NOTCH3: variants seen among roughly 807,000 people sequenced by gnomAD.
NOTCH3 encodes the protein neurogenic locus notch homolog protein 3.
NOTCH3 carries 86 observed loss-of-function variants against 213.3 expected under a neutral mutation model. The ratio of observed to expected loss-of-function variants is 0.40; its 90% CI spans 0.34 to 0.48. NOTCH3 has a LOEUF of 0.48. Ranked by LOEUF, NOTCH3 falls within the 20% of genes least tolerant of loss-of-function variation. The pLI, the probability that NOTCH3 is intolerant of heterozygous loss-of-function variation, is 0.57. For missense variants in NOTCH3, 2,783 were observed against 3,272.6 expected, an observed-to-expected ratio of 0.85 and a Z score of 3.65; for synonymous variants, 1,354 against 1,355.9, an observed-to-expected ratio of 1.00 and a Z score of 0.03.
rs1275290522 is a variant in NOTCH3 at position 15,192,273 on chromosome 19, G to C, written c.366C>G (p.Pro122=). 8 of 1,602,132 alleles carry C rather than the reference G, an allele frequency of 5.0e-6. No individual in the cohort carries two copies. The highest frequency in any genetic ancestry group is 6.0e-6 in the Non-Finnish European group (7 of 1,174,930). ...CGTGGGCACAAGGGCTGCTGAGGCAGGGATCTGGCAGGGAGCAGTCAGGGC... is the reference window on the plus strand; with the variant it reads ...CGTGGGCACAAGGGCTGCTGAGGCACGGATCTGGCAGGGAGCAGTCAGGGC... ...FRGPDCSLPD[P]CLSSPCAHGA... Residue 122 remains proline (P), a synonymous_variant, in exon 4 of 33, where the codon CCC becomes CCG. Transcript: ENST00000263388.
chr19:15,181,518 G>A, intron 17 of NOTCH3, 58 bp downstream of exon 17: 6 of 1,436,172 alleles, frequency 4.2e-6, no homozygotes, highest in Non-Finnish European at 5.7e-6. Context: ...CTTCGTCCCA[G>A]GTCCCAGGCC....
chr19:15,170,077 G>C lies in NOTCH3; in HGVS notation c.5199+9C>G. ...GAGGAGGGGGCAAAGGTCAGAGGGGGGGCAGTACCTTTAGCCGCTTGGCCT... is the reference window on the plus strand; with the variant it reads ...GAGGAGGGGGCAAAGGTCAGAGGGGCGGCAGTACCTTTAGCCGCTTGGCCT... On this transcript the variant is annotated intron_variant, in intron 28 of 32. Transcript: ENST00000263388. 1 of 1,544,688 alleles carries C rather than the reference G, an allele frequency of 6.5e-7. No homozygotes were observed. Among genetic ancestry groups the C allele is most frequent in the South Asian group, 1.2e-5 (1 of 85,808 alleles).
rs886054250 is a variant in NOTCH3 at position 15,160,280 on chromosome 19, A to C, written c.*382T>G. On this transcript the variant is annotated 3_prime_UTR_variant, in exon 33 of 33. Coordinates refer to ENST00000263388, the MANE Select transcript of NOTCH3 (RefSeq NM_000435.3). ...AAAAATAATAATAATAAGTTTGTTT[A>C]AATGAATTTGTTTCTATACAAAATG... The C allele has an allele frequency of 4.9e-5, 12 of 245,054 alleles. No homozygotes were observed. The Admixed American group carries it at 5.9e-4, about 12-fold the overall frequency. 15.2% of individuals were successfully genotyped at this position (245,054 alleles called of 1,614,324 possible).
In NOTCH3 at chr19:15,186,860, T is replaced by C. The variant is rs143029636; in HGVS notation, c.1951+18A>G. ...CCCTCGATCTAAGGACCCCCTCTCA[T>C]GGCAGCCACTTGCCCACCTGTGAAG... is the stretch of plus-strand genomic sequence containing the variant. On this transcript the variant is annotated intron_variant, in intron 12 of 32. Transcript: ENST00000263388. The C allele has an allele frequency of 1.2e-5, 20 of 1,605,138 alleles. No homozygotes were observed. The East Asian group carries it at 4.5e-4, about 36-fold the overall frequency.
At chr19:15,193,831 C>T (rs2046950094) in intron 2 of NOTCH3, among the ~76,000 whole-genome samples, 1 of 149,442 alleles carries the variant, frequency 6.7e-6, no homozygotes. Flanking sequence ...TGCCTGTAAT[C>T]CCAGCACTCT....
Position 15,189,188 on chromosome 19 carries a change from T to G in NOTCH3, c.1193-14A>C, listed in dbSNP as rs2145436586. 1 of 1,613,070 alleles carries G rather than the reference T, an allele frequency of 6.2e-7. No homozygotes were observed. The highest frequency in any genetic ancestry group is 8.5e-7 in the Non-Finnish European group (1 of 1,179,988). On this transcript the variant is annotated splice_polypyrimidine_tract_variant and intron_variant, in intron 7 of 32. Coordinates refer to ENST00000263388, the MANE Select transcript of NOTCH3 (RefSeq NM_000435.3). ...AGGGGTTGGCGCCTGCCGGATGGAG[T>G]GCGATCGGTGTGGGCGTGGCTGGCC...
At position 15,185,953 on chromosome 19, in the gene NOTCH3, C is replaced by A. The variant is rs1424130541; in HGVS notation, c.1952-274G>T. 6.6e-6 allele frequency among the ~76,000 whole-genome samples: 1 copy of A among 152,066 alleles called. No individual in the cohort carries two copies. Among genetic ancestry groups the A allele is most frequent in the African/African-American group, 2.4e-5 (1 of 41,408 alleles). The stretch of plus-strand genomic sequence containing the variant: ...ATGGGGTCTCACTCTGTCGCCCGGG[C>A]TGGACTGCAGTGGCATGATCATAGC... On this transcript the variant is annotated intron_variant, in intron 12 of 32. Transcript: ENST00000263388. This position sits in a 1 kb window ranked among gnomAD's most constrained non-coding sequence, Gnocchi z 4.2.
At chr19:15,168,600 G>A (rs57369160) in intron 28 of NOTCH3, among the ~76,000 whole-genome samples, 137,082 of 152,112 alleles carry the variant, frequency 0.9, 62,091 homozygotes, top group African/African-American at 0.98. Context: ...TTGGGATGCC[G>A]AGGCGGGTGG....
At chr19:15,166,429 G>C (rs995890647) in intron 29 of NOTCH3, among the ~76,000 whole-genome samples, 4 of 152,082 alleles carry the variant, frequency 2.6e-5, no homozygotes, top group Non-Finnish European at 5.9e-5. Flanking sequence ...TCAAGGCAAA[G>C]AAACCATCCC....
intron 23 of NOTCH3, 109 bp downstream of exon 23, chr19:15,178,714 T>C (rs1039602913): frequency 7.4e-6 from 6 of 815,936 alleles, no homozygotes; most frequent in Non-Finnish European, 1.2e-5. Context: ...GAAACTCCCT[T>C]CCCTTCGATG....
At chr19:15,192,354 C>T in intron 3 of NOTCH3, 23 bp downstream of exon 3, 1 of 1,612,914 alleles carries the variant, frequency 6.2e-7, no homozygotes. Flanking sequence ...GACTACCTCC[C>T]CTCCAGACTC....
rs372833545 is a variant in NOTCH3 at position 15,161,294 on chromosome 19, C to A, written c.6334G>T (p.Gly2112Cys). 2 of 1,531,758 alleles carry A rather than the reference C, an allele frequency of 1.3e-6. No individual in the cohort carries two copies. The highest frequency in any genetic ancestry group is 8.8e-7 in the Non-Finnish European group (1 of 1,141,650). The allele number at this position is 1,531,758 out of a possible 1,614,324, so 94.9% of individuals were successfully genotyped here. ...VDSLDSPRPF[G>C]GPPASPGGFP... is the part of the protein sequence containing the mutation. ...CCACCAGGGGAAGCAGGGGGCCCAC[C>A]GAAAGGCCGCGGGGAGTCCAGCGAG... is the stretch of plus-strand genomic sequence containing the variant. The change falls in exon 33 of 33, where the codon GGT becomes TGT. Residue 2112 changes from glycine (G) to cysteine (C), a missense_variant. Around this residue, in one of 6 missense-constraint regions of NOTCH3, gnomAD observed 441 missense variants for 432.1 expected, o/e 1.02. Transcript: ENST00000263388.
In NOTCH3 at chr19:15,159,482, C is replaced by T. The variant is rs182030305; in HGVS notation, c.*1180G>A. On this transcript the variant is annotated 3_prime_UTR_variant, in exon 33 of 33. Coordinates refer to ENST00000263388, the MANE Select transcript of NOTCH3 (RefSeq NM_000435.3). ...GTCAGGTGACAACCACTAATCCAAT[C>T]GGTAGTCATCTGCCAAAAGAGGAAG... The T allele has an allele frequency of 1.6e-5, 3 of 192,436 alleles. No individual in the cohort carries two copies. Among genetic ancestry groups the T allele is most frequent in the African/African-American group, 2.3e-5 (1 of 43,130 alleles). 11.9% of individuals were successfully genotyped at this position (192,436 alleles called of 1,614,324 possible).
chr19:15,171,881 G>A (rs1195538620), intron 25 of NOTCH3, among the ~76,000 whole-genome samples: 4 of 151,896 alleles, frequency 2.6e-5, no homozygotes, highest in African/African-American at 9.7e-5. Context: ...TGTTGGCCAG[G>A]ACATTGTATT....
chr19:15,189,026 G>C lies in NOTCH3; in HGVS notation c.1341C>G (p.Leu447=). 6.2e-7 allele frequency: 1 copy of C among 1,612,814 alleles called. No individual in the cohort carries two copies. The highest frequency in any genetic ancestry group is 1.3e-5 in the African/African-American group (1 of 75,056). ...TACAGGTGAACTGGCCTATGCGGTCGAGGCACGTGGCCTGGTTTCGGCAGG... is the reference window on the plus strand; with the variant it reads ...TACAGGTGAACTGGCCTATGCGGTCCAGGCACGTGGCCTGGTTTCGGCAGG... ...SGPCRNQATC[L]DRIGQFTCIC... The change falls in exon 8 of 33, where the codon CTC becomes CTG. Residue 447 remains leucine, a synonymous_variant. Coordinates refer to ENST00000263388, the MANE Select transcript of NOTCH3 (RefSeq NM_000435.3).
chr19:15,161,792 C>T (rs1342478798), intron 32 of NOTCH3, 78 bp from the exon 33 acceptor site: 12 of 1,304,902 alleles, frequency 9.2e-6, no homozygotes, highest in Non-Finnish European at 1.2e-5. Flanking sequence ...TGGGGGAGCC[C>T]GAGAGCTATG....
Position 15,160,225 on chromosome 19 carries a change from G to T in NOTCH3, c.*437C>A, listed in dbSNP as rs1208802313. On this transcript the variant is annotated 3_prime_UTR_variant, in exon 33 of 33. Transcript: ENST00000263388. The stretch of plus-strand genomic sequence containing the variant: ...GGGGGCACTGGGGGGTTCACAGGGG[G>T]AGGGAGCATCTCCATATATATATTT... 4.1e-6 allele frequency: 1 copy of T among 241,574 alleles called. No individual in the cohort carries two copies. The highest frequency in any genetic ancestry group is 8.1e-6 in the Non-Finnish European group (1 of 124,118). 15.0% of individuals were successfully genotyped at this position (241,574 alleles called of 1,614,324 possible). A position where few individuals can be genotyped will look rare whatever the true frequency, so the allele number is the denominator to read the frequency against.
chr19:15,196,899 A>G (rs1057169999), intron 2 of NOTCH3, among the ~76,000 whole-genome samples: 1 of 152,058 alleles, frequency 6.6e-6, no homozygotes, highest in African/African-American at 2.4e-5. Context: ...GCTCCCTGCA[A>G]CCTCTTGCCT....
chr19:15,180,609 C>T (rs762373300), intron 19 of NOTCH3, 72 bp downstream of exon 19: 18 of 1,513,448 alleles, frequency 1.2e-5, no homozygotes, highest in Non-Finnish European at 1.6e-5. Context: ...CCATTCGGCT[C>T]ACACTAGCAG....
Sources: gnomAD v4.1 joint callset for allele counts (sites outside exome capture counted in the v4.1 genomes callset) on GRCh38, gnomAD v4.1.1 for gene constraint, gnomAD v4.1.1 regional missense constraint, Gnocchi (gnomAD v3.1) non-coding constraint, MANE v1.5 for transcripts, NCBI Gene and HGNC (gene_info 2026-07-23, HGNC 2026-07-21) for gene names.